The following TNXB variants were observed in gnomAD, a reference collection of about 807,000 sequenced individuals.
The protein encoded by TNXB is tenascin-X.
TNXB carries 183 observed loss-of-function variants against 340.5 expected under a neutral mutation model. That is an observed-to-expected ratio of 0.54 (90% CI 0.48 to 0.61). The LOEUF is 0.61. Ranked by LOEUF, TNXB falls within the 20% of genes least tolerant of loss-of-function variation. The pLI, the probability that TNXB is intolerant of heterozygous loss-of-function variation, is 0.00. For missense variants in TNXB, 4,613 were observed against 5,446.4 expected (o/e 0.85, Z 4.82); for synonymous variants, 2,121 against 2,314.5 (o/e 0.92, Z 2.40).
At position 32,095,911 on chromosome 6, in the gene TNXB, C is replaced by A. The variant is rs763231833; in HGVS notation, c.1942G>T (p.Ala648Ser). The A allele has an allele frequency of 6.2e-7, 1 of 1,612,754 alleles. No individual in the cohort carries two copies. Among genetic ancestry groups the A allele is most frequent in the Admixed American group, 1.7e-5 (1 of 59,900 alleles). The change falls in exon 3 of 44, where the codon GCC becomes TCC. Residue 648 changes from alanine (A) to serine (S), a missense_variant. By Grantham distance (99) the Ala-to-Ser change is moderately conservative. Transcript: ENST00000644971. ...CAGTCAGCCGGGCACATGCGGGTGG[C>A]ACAGGTAGGGCCGGTGTAGCCTGGG... ...CDPGYTGPTC[A>S]TRMCPADCRG...
At position 32,041,494 on chromosome 6, in the gene TNXB, A is replaced by G. The variant is rs1226433549; in HGVS notation, c.12634-44T>C. On this transcript the variant is annotated intron_variant, in intron 43 of 43. Transcript: ENST00000644971. Reference sequence around the variant, plus strand: ...AGAGAGAGTCAAAGCCGGATGTCCCATCTGCTCTTCCCGTTCCCCTTAAGG... The same window carrying G: ...AGAGAGAGTCAAAGCCGGATGTCCCGTCTGCTCTTCCCGTTCCCCTTAAGG... 3 of 1,218,224 alleles carry G rather than the reference A, an allele frequency of 2.5e-6. No homozygotes were observed. The Admixed American group carries it at 6.0e-5, about 24-fold the overall frequency. 75.5% of individuals were successfully genotyped at this position (1,218,224 alleles called of 1,614,324 possible).
intron 4 of TNXB, among the ~76,000 whole-genome samples, chr6:32,094,222 G>C (rs1196060307): frequency 6.8e-6 from 1 of 147,002 alleles, no homozygotes; most frequent in Non-Finnish European, 1.5e-5. Flanking sequence ...TATTGCAACA[G>C]CCTAGACAGC....
intron 1 of TNXB, among the ~76,000 whole-genome samples, chr6:32,099,012 C>T (rs1780574192): frequency 6.6e-6 from 1 of 152,190 alleles, no homozygotes; most frequent in Non-Finnish European, 1.5e-5. Flanking sequence ...TTACTTATTA[C>T]CTTTCTCTCA....
Position 32,098,453 on chromosome 6 carries a change from G to GT in TNXB, c.-8-248dup, listed in dbSNP as rs199972163. On this transcript the variant is annotated intron_variant, in intron 1 of 43. Transcript: ENST00000644971. ...TTTTCTATTGTGTTCCCCTACACTG[G>GT]TTTTTTTGTTTTGTTTTGTTTTGTT... 8.0e-3 allele frequency among the ~76,000 whole-genome samples: 1,195 copies of GT among 149,328 alleles called. 10 individuals are homozygous for GT. Among genetic ancestry groups the GT allele is most frequent in the African/African-American group, 0.017 (675 of 40,528 alleles).
chr6:32,078,994 G>T, intron 11 of TNXB, 39 bp downstream of exon 11: 1 of 1,579,970 alleles, frequency 6.3e-7, no homozygotes. Context: ...GGAGCCAGCA[G>T]TGGGAGGGAA....
chr6:32,062,028 C>T lies in TNXB; in HGVS notation c.7168+129G>A. 3 of 1,245,102 alleles carry T rather than the reference C, an allele frequency of 2.4e-6. No homozygotes were observed. Among genetic ancestry groups the T allele is most frequent in the Non-Finnish European group, 2.2e-6 (2 of 907,818 alleles). The allele number at this position is 1,245,102 out of a possible 1,614,324, so 77.1% of individuals were successfully genotyped here. On this transcript the variant is annotated intron_variant, in intron 20 of 43. Coordinates refer to ENST00000644971, the MANE Select transcript of TNXB (RefSeq NM_001365276.2). This position sits in a 1 kb window ranked among gnomAD's most constrained non-coding sequence, Gnocchi z 4.3. ...ACCACACAAAAAGGTACAATGGGAG[C>T]CCCAGCCCCAGCCACAAGTAGGTCT...
In TNXB at chr6:32,080,686, C is replaced by T. The variant is rs749562520; in HGVS notation, c.4042+682G>A. Among the ~76,000 whole-genome samples, 5 of 152,132 alleles carry T rather than the reference C, an allele frequency of 3.3e-5. No homozygotes were observed. The highest frequency in any genetic ancestry group is 5.9e-5 in the Non-Finnish European group (4 of 68,032). ...GTAGTGAGACTCGGGCAGTTGGCTCCGGAGTCTTTGCTCCTAACCACTATC... is the reference window on the plus strand; with the variant it reads ...GTAGTGAGACTCGGGCAGTTGGCTCTGGAGTCTTTGCTCCTAACCACTATC... On this transcript the variant is annotated intron_variant, in intron 10 of 43. Transcript: ENST00000644971. This position sits in a 1 kb window ranked among gnomAD's most constrained non-coding sequence, Gnocchi z 4.3.
At chr6:32,076,607 C>T (rs1465893085) in intron 11 of TNXB, among the ~76,000 whole-genome samples, 4 of 152,190 alleles carry the variant, frequency 2.6e-5, no homozygotes, top group Admixed American at 6.5e-5. Context: ...CACCTTTAAC[C>T]GTGACAACAA....
intron 18 of TNXB, among the ~76,000 whole-genome samples, chr6:32,066,903 C>G (rs1463554097): frequency 6.6e-6 from 1 of 152,004 alleles, no homozygotes; most frequent in Non-Finnish European, 1.5e-5. Context: ...AACCCTGTCT[C>G]TACAAAAAAT....
Position 32,042,352 on chromosome 6 carries a change from C to T in TNXB, c.12221G>A (p.Arg4074His), listed in dbSNP as rs766771216. ...GAAGTCTGTCTGTCCATCCATGCGG[C>T]GCTGGAACACCTGGGAAGCAAGTGG... ...TDGGGWLVFQRRMDGQTDFWR... is the reference protein window; with the variant it reads ...TDGGGWLVFQHRMDGQTDFWR... The change falls in exon 41 of 44, where the codon CGC (arginine) becomes CAC (histidine). Residue 4074 changes from arginine (R) to histidine (H), a missense_variant. Around this residue, in one of 7 missense-constraint regions of TNXB, gnomAD observed 121 missense variants for 177.4 expected, o/e 0.68. Coordinates refer to ENST00000644971, the MANE Select transcript of TNXB (RefSeq NM_001365276.2). The T allele has an allele frequency of 1.5e-5, 23 of 1,567,944 alleles. 1 individual carries two copies. Among genetic ancestry groups the T allele is most frequent in the Middle Eastern group, 1.7e-4 (1 of 5,992 alleles).
intron 25 of TNXB, 96 bp from the exon 26 acceptor site, chr6:32,053,089 G>T: frequency 7.4e-7 from 1 of 1,351,374 alleles, no homozygotes; most frequent in Non-Finnish European, 1.0e-6. Context: ...ATGAGTGGGG[G>T]TCCTGGGGTC....
intron 13 of TNXB, 66 bp downstream of exon 13, chr6:32,071,924 G>T: frequency 7.2e-7 from 1 of 1,381,044 alleles, no homozygotes; most frequent in Non-Finnish European, 9.9e-7. Context: ...AGACTCAGCA[G>T]AGGGAGTGAA....
In TNXB at chr6:32,046,814, T is replaced by C. The variant is rs896416254; in HGVS notation, c.10325-358A>G. On this transcript the variant is annotated intron_variant, in intron 30 of 43. Transcript: ENST00000644971. This position sits in a 1 kb window ranked among gnomAD's most constrained non-coding sequence, Gnocchi z 6.9. ...CCCTGAGCAAGAATGAGGCCAGAGC[T>C]GAGAGAGACTCCCCGGAGGTCTCTG... Among the ~76,000 whole-genome samples, 7 of 152,128 alleles carry C rather than the reference T, an allele frequency of 4.6e-5. No individual in the cohort carries two copies. The highest frequency in any genetic ancestry group is 1.0e-4 in the Non-Finnish European group (7 of 67,994).
Position 32,079,290 on chromosome 6 carries a change from G to A in TNXB, c.4118C>T (p.Pro1373Leu), listed in dbSNP as rs771602314. The A allele has an allele frequency of 1.5e-5, 25 of 1,612,942 alleles. No homozygotes were observed. Among genetic ancestry groups the A allele is most frequent in the Middle Eastern group, 1.6e-4 (1 of 6,082 alleles). ...GTEAPESPEE[P>L]LLGELTVTGS... The stretch of plus-strand genomic sequence containing the variant: ...TGTCACTGTCAGCTCCCCCAGGAGC[G>A]GCTCCTCGGGGGACTCCGGGGCCTC... Residue 1373 changes from proline (P) to leucine (L), a missense_variant, in exon 11 of 44, where the codon CCG (proline) becomes CTG (leucine). Physicochemically the swap from Pro to Leu is moderately conservative, Grantham distance 98. Coordinates refer to ENST00000644971, the MANE Select transcript of TNXB (RefSeq NM_001365276.2). The surrounding 1 kb of genome is among the most constrained non-coding windows in gnomAD (Gnocchi z 7.1).
chr6:32,082,035 C>T lies in TNXB; in HGVS notation c.3736+1G>A, dbSNP rs774474371. ...TGGGGGCTGAGGTGGCTGCTACTCA[C>T]CAGTGGTGCCATCGGCCGTGAGGGG... On this transcript the variant is annotated splice_donor_variant, in intron 9 of 43. Transcript: ENST00000644971. LOFTEE classifies it high-confidence loss of function. The surrounding 1 kb of genome is among the most constrained non-coding windows in gnomAD (Gnocchi z 5.0). 3.1e-6 allele frequency: 5 copies of T among 1,600,736 alleles called. No individual in the cohort carries two copies. In the South Asian group the frequency reaches 4.5e-5, roughly 14 times the overall value.
chr6:32,092,019 A>G (rs540736863), intron 4 of TNXB, among the ~76,000 whole-genome samples: 4 of 152,310 alleles, frequency 2.6e-5, no homozygotes, highest in Non-Finnish European at 5.9e-5. Context: ...CCTCTTTCTC[A>G]TTCAGGAACT....
rs9281648 is a variant in TNXB, at chr6:32,067,132, GAAGAAAGAAAGAAAGAAAGAAAGAAAGA to G, written c.6544+501_6544+528del. 5.1e-5 allele frequency among the ~76,000 whole-genome samples: 6 copies of G among 117,996 alleles called. No homozygotes were observed. The highest frequency in any genetic ancestry group is 1.6e-4 in the African/African-American group (5 of 30,416). The allele number at this position is 117,996 out of a possible 152,430, so 77.4% of individuals were successfully genotyped here. A position where few individuals can be genotyped will look rare whatever the true frequency, so the allele number is the denominator to read the frequency against. The stretch of plus-strand genomic sequence containing the variant: ...AAGAAAGAGAAAGAAAGAAAGGAAG[GAAGAAAGAAAGAAAGAAAGAAAGAAAGA>G]AAGAAAGAAAGAAAGAAAGAAAGAA... On this transcript the variant is annotated intron_variant, in intron 18 of 43. Transcript: ENST00000644971. The surrounding 1 kb of genome is among the most constrained non-coding windows in gnomAD (Gnocchi z 4.2).
Position 32,082,156 on chromosome 6 carries a change from C to T in TNXB, c.3616G>A (p.Glu1206Lys). The change falls in exon 9 of 44, where the codon GAA becomes AAA. Residue 1206 changes from glutamate (E) to lysine (K), a missense_variant. Transcript: ENST00000644971. The surrounding 1 kb of genome is among the most constrained non-coding windows in gnomAD (Gnocchi z 5.0). Reference sequence around the variant, plus strand: ...ACAACAAATGAACGCTCGGGCCCTTCCACAGGTACCACCTGGGGCCGTCCA... The same window carrying T: ...ACAACAAATGAACGCTCGGGCCCTTTCACAGGTACCACCTGGGGCCGTCCA... The part of the protein sequence containing the change: ...RDGRPQVVPV[E>K]GPERSFVVSS... 6.2e-7 allele frequency: 1 copy of T among 1,612,396 alleles called. No individual in the cohort carries two copies. Among genetic ancestry groups the T allele is most frequent in the Non-Finnish European group, 8.5e-7 (1 of 1,179,532 alleles).
chr6:32,093,318 T>G (rs1207820269), intron 4 of TNXB: 1 of 686,826 alleles, frequency 1.5e-6, no homozygotes, highest in South Asian at 1.5e-5. Context: ...GTGATTAAAG[T>G]ATTTTTATAA....
Sources: gnomAD v4.1 joint callset for allele counts (sites outside exome capture counted in the v4.1 genomes callset) on GRCh38, gnomAD v4.1.1 for gene constraint, gnomAD v4.1.1 regional missense constraint, Gnocchi (gnomAD v3.1) non-coding constraint, MANE v1.5 for transcripts, NCBI Gene and HGNC (gene_info 2026-07-23, HGNC 2026-07-21) for gene names.